NRXN1: variants seen among roughly 807,000 people sequenced by gnomAD.
NRXN1 encodes the protein neurexin-1.
A neutral mutation model predicts 150.9 loss-of-function variants in NRXN1; 39 were observed. The ratio of observed to expected loss-of-function variants is 0.26; its 90% CI spans 0.20 to 0.34. NRXN1 has a LOEUF of 0.34. NRXN1 is among the 10% of genes least tolerant of loss of function. The pLI, the probability that NRXN1 is intolerant of heterozygous loss-of-function variation, is 1.00. For missense variants in NRXN1, 1,815 were observed against 1,949.9 expected, an observed-to-expected ratio of 0.93 and a Z score of 1.30; for synonymous variants, 924 against 757.0, an observed-to-expected ratio of 1.22 and a Z score of -3.62.
intron 18 of NRXN1, among the ~76,000 whole-genome samples, chr2:50,225,429 T>C (rs2064277958): frequency 6.6e-6 from 1 of 151,780 alleles, no homozygotes. Flanking sequence ...CCCTGAAGAG[T>C]TTACAATTTA....
intron 5 of NRXN1, among the ~76,000 whole-genome samples, chr2:50,773,029 T>C (rs1484495136): frequency 6.6e-6 from 1 of 152,294 alleles, no homozygotes; most frequent in Admixed American, 6.5e-5. Flanking sequence ...CTTGCTAAAA[T>C]GTTATTAATG....
At chr2:50,650,856 A>G (rs1276161801) in intron 5 of NRXN1, among the ~76,000 whole-genome samples, 3 of 152,102 alleles carry the variant, frequency 2.0e-5, no homozygotes. Context: ...TGTCTAGCTT[A>G]AAATGTTGAT....
chr2:49,941,528 C>T (rs1029557719), intron 22 of NRXN1, among the ~76,000 whole-genome samples: 4 of 151,680 alleles, frequency 2.6e-5, no homozygotes, highest in East Asian at 3.9e-4. Context: ...GCTGAGCTCA[C>T]GAAGAAAAAG....
At chr2:50,478,251 T>C (rs185723992) in intron 15 of NRXN1, among the ~76,000 whole-genome samples, 2 of 152,298 alleles carry the variant, frequency 1.3e-5, no homozygotes, top group Admixed American at 6.5e-5. Flanking sequence ...ACTGCTTAAA[T>C]AAATAATATT....
intron 17 of NRXN1, among the ~76,000 whole-genome samples, chr2:50,363,099 A>G (rs1022220836): frequency 1.3e-5 from 2 of 152,220 alleles, no homozygotes; most frequent in African/African-American, 4.8e-5. Flanking sequence ...CTTGATATGG[A>G]TTAAAGATTT....
intron 5 of NRXN1, among the ~76,000 whole-genome samples, chr2:50,707,649 G>A (rs1413041279): frequency 1.3e-5 from 2 of 152,136 alleles, no homozygotes; most frequent in African/African-American, 4.8e-5. Context: ...CTGGACTGCA[G>A]AACTCCTTGC....
chr2:50,722,886 G>T (rs372959557), intron 5 of NRXN1, among the ~76,000 whole-genome samples: 199 of 152,186 alleles, frequency 1.3e-3, no homozygotes, highest in South Asian at 1.0e-2. Flanking sequence ...TTTCCACTCA[G>T]TGTTCTGATA....
intron 1 of NRXN1, among the ~76,000 whole-genome samples, chr2:51,029,471 T>A (rs1014785541): frequency 6.6e-6 from 1 of 152,250 alleles, no homozygotes; most frequent in East Asian, 1.9e-4. Flanking sequence ...TATGGTTATC[T>A]TTTTCTTTTC....
In NRXN1 at chr2:50,538,370, T is replaced by C. The variant is rs762882927; in HGVS notation, c.2026A>G (p.Thr676Ala). ...AGVKPSCSKETAKPCLSNPCK... is the reference protein window; with the variant it reads ...AGVKPSCSKEAAKPCLSNPCK... Reference sequence around the variant, plus strand: ...GGGTTGCTAAGGCACGGTTTTGCTGTTTCCTTTGAGCAGGAAGGCTTCACT... The same window carrying C: ...GGGTTGCTAAGGCACGGTTTTGCTGCTTCCTTTGAGCAGGAAGGCTTCACT... The change falls in exon 10 of 23, where the codon ACA becomes GCA. Residue 676 changes from threonine to alanine, a missense_variant. Coordinates refer to ENST00000401669, the MANE Select transcript of NRXN1 (RefSeq NM_001330078.2). The C allele has an allele frequency of 1.9e-6, 3 of 1,614,012 alleles. No homozygotes were observed. The highest frequency in any genetic ancestry group is 1.7e-5 in the Admixed American group (1 of 60,022).
chr2:50,448,860 T>TA (rs2086706327), intron 17 of NRXN1, among the ~76,000 whole-genome samples: 1 of 151,936 alleles, frequency 6.6e-6, no homozygotes, highest in Non-Finnish European at 1.5e-5. Context: ...ATTCTAACAC[T>TA]AAAATATACA....
intron 18 of NRXN1, among the ~76,000 whole-genome samples, chr2:50,201,322 C>T (rs2062147581): frequency 6.6e-6 from 1 of 152,108 alleles, no homozygotes; most frequent in East Asian, 1.9e-4. Flanking sequence ...GACCTTACCT[C>T]AAAATCCATT....
intron 3 of NRXN1, chr2:50,923,425 C>T (rs540168047): frequency 3.2e-6 from 1 of 310,874 alleles, no homozygotes; most frequent in Non-Finnish European, 6.8e-6. Flanking sequence ...TGTAAAGATA[C>T]ATATTACAGA....
At chr2:49,953,205 A>G (rs1214650864) in intron 21 of NRXN1, among the ~76,000 whole-genome samples, 2 of 152,156 alleles carry the variant, frequency 1.3e-5, no homozygotes, top group East Asian at 3.9e-4. Context: ...ATAATCACTT[A>G]GTTAACAGAA....
intron 22 of NRXN1, among the ~76,000 whole-genome samples, chr2:49,939,618 G>T (rs1251217500): frequency 6.6e-6 from 1 of 152,150 alleles, no homozygotes; most frequent in African/African-American, 2.4e-5. Flanking sequence ...CCCATCAGGA[G>T]GCCTGAGTGG....
chr2:50,605,335 T>A (rs1413045097), intron 8 of NRXN1, among the ~76,000 whole-genome samples: 1 of 152,188 alleles, frequency 6.6e-6, no homozygotes, highest in Admixed American at 6.6e-5. Flanking sequence ...AAATCCAGCA[T>A]CTAGTCAGTG....
intron 17 of NRXN1, among the ~76,000 whole-genome samples, chr2:50,357,427 G>C (rs146137402): frequency 0.015 from 2,247 of 151,976 alleles, 23 homozygotes; most frequent in Non-Finnish European, 0.02. Flanking sequence ...TCCTGCCTCA[G>C]CCTCCTGAGT....
intron 17 of NRXN1, among the ~76,000 whole-genome samples, chr2:50,339,217 T>C (rs969694388): frequency 6.6e-6 from 1 of 152,144 alleles, no homozygotes; most frequent in Non-Finnish European, 1.5e-5. Context: ...ATCTGTTAAT[T>C]TTTTTTCTTT....
At chr2:49,961,554 G>A (rs1675960120) in intron 21 of NRXN1, among the ~76,000 whole-genome samples, 1 of 151,980 alleles carries the variant, frequency 6.6e-6, no homozygotes, top group African/African-American at 2.4e-5. Context: ...ACAATCAGCA[G>A]TTTCAAGCCC....
At chr2:50,637,522 A>G (rs555479624) in intron 5 of NRXN1, 1 of 152,370 alleles carries the variant, frequency 6.6e-6, no homozygotes, top group South Asian at 2.1e-4. Context: ...GAGGTAACTC[A>G]CAGAATAGAA....
Sources: gnomAD v4.1 joint callset for allele counts (sites outside exome capture counted in the v4.1 genomes callset) on GRCh38, gnomAD v4.1.1 for gene constraint, MANE v1.5 for transcripts, NCBI Gene and HGNC (gene_info 2026-07-23, HGNC 2026-07-21) for gene names.